UBE3A: variants seen among roughly 807,000 people sequenced by gnomAD.
The protein encoded by UBE3A is ubiquitin-protein ligase E3A.
A neutral mutation model predicts 83.4 loss-of-function variants in UBE3A; 6 were observed. That is an observed-to-expected ratio of 0.07 (90% CI 0.04 to 0.14). The LOEUF is 0.14. UBE3A is among the 10% of genes least tolerant of loss of function. The probability of loss-of-function intolerance (pLI) is 1.00; values close to 1 mark genes in which losing one functional copy is unlikely to be tolerated. For synonymous variants in UBE3A, 337 were observed against 355.4 expected (o/e 0.95, Z 0.58); for missense variants, 456 against 1,036.1 (o/e 0.44, Z 7.69).
chr15:25,339,043 C>G lies in UBE3A; in HGVS notation c.*94G>C. 3 of 1,377,402 alleles carry G rather than the reference C, an allele frequency of 2.2e-6. No homozygotes were observed. The highest frequency in any genetic ancestry group is 2.8e-6 in the Non-Finnish European group (3 of 1,054,386). 85.3% of individuals were successfully genotyped at this position (1,377,402 alleles called of 1,614,324 possible). The stretch of plus-strand genomic sequence containing the variant: ...TTTTTGTACTGGGACACTATCACCA[C>G]CAAAAATTTATCCCTCGTTATATTT... On this transcript the variant is annotated 3_prime_UTR_variant, in exon 13 of 13. Transcript: ENST00000648336.
chr15:25,384,998 AACT>A (rs1388518684), intron 4 of UBE3A, among the ~76,000 whole-genome samples: 2 of 152,218 alleles, frequency 1.3e-5, no homozygotes, highest in Non-Finnish European at 2.9e-5. Context: ...CGAATTATAA[AACT>A]ACTACAAGAA....
chr15:25,374,161 A>C (rs533910169), intron 5 of UBE3A: 1 of 152,396 alleles, frequency 6.6e-6, no homozygotes, highest in African/African-American at 2.4e-5. Flanking sequence ...AGTAACGAAC[A>C]GGGAACAGTA....
Position 25,371,384 on chromosome 15 carries a change from C to T in UBE3A, c.790G>A (p.Val264Met), listed in dbSNP as rs745363984. Residue 264 changes from valine to methionine, a missense_variant, in exon 6 of 13, where the codon GTG becomes ATG. Physicochemically the swap from Val to Met is conservative, Grantham distance 21. Coordinates refer to ENST00000648336, the MANE Select transcript of UBE3A (RefSeq NM_130839.5). The surrounding 1 kb of genome is among the most constrained non-coding windows in gnomAD (Gnocchi z 5.3). The stretch of plus-strand genomic sequence containing the variant: ...TTGTGATACGTCAAGTCACATTCCA[C>T]GTTAGGTGACAAATATACAAGTGCA... ...LNALVYLSPN[V>M]ECDLTYHNVY... 32 of 1,613,832 alleles carry T rather than the reference C, an allele frequency of 2.0e-5. No individual in the cohort carries two copies. The highest frequency in any genetic ancestry group is 1.6e-4 in the Middle Eastern group (1 of 6,082).
chr15:25,395,010 A>ATTCT (rs1467403399), intron 4 of UBE3A, among the ~76,000 whole-genome samples: 1 of 152,222 alleles, frequency 6.6e-6, no homozygotes, highest in Non-Finnish European at 1.5e-5. Flanking sequence ...GAACATGATC[A>ATTCT]TTCTTTGATG....
At chr15:25,366,642 T>C (rs1293031821) in intron 6 of UBE3A, among the ~76,000 whole-genome samples, 2 of 152,192 alleles carry the variant, frequency 1.3e-5, no homozygotes, top group African/African-American at 2.4e-5. Flanking sequence ...TTTCACATCA[T>C]CATCATCCTC....
At chr15:25,426,948 T>G (rs1891492836) in intron 1 of UBE3A, among the ~76,000 whole-genome samples, 1 of 152,010 alleles carries the variant, frequency 6.6e-6, no homozygotes, top group African/African-American at 2.4e-5. Context: ...CCTCCCAAGC[T>G]GGGCTAATTT....
chr15:25,423,046 T>C (rs1456609493), intron 1 of UBE3A, among the ~76,000 whole-genome samples: 2 of 151,948 alleles, frequency 1.3e-5, no homozygotes, highest in African/African-American at 4.8e-5. Flanking sequence ...GTTAGCATGC[T>C]GAAACCCAGA....
chr15:25,412,219 C>T (rs1457462644), intron 1 of UBE3A, among the ~76,000 whole-genome samples: 2 of 152,136 alleles, frequency 1.3e-5, no homozygotes, highest in Non-Finnish European at 1.5e-5. Context: ...AAGCTTAGTG[C>T]CTTCTATTTA....
At chr15:25,340,043 G>T in intron 12 of UBE3A, 42 bp downstream of exon 12, 1 of 1,613,338 alleles carries the variant, frequency 6.2e-7, no homozygotes, top group Non-Finnish European at 8.5e-7. Context: ...AGGAATGCAA[G>T]GTTTTCGGTA....
At chr15:25,386,654 G>A (rs1037842667) in intron 4 of UBE3A, among the ~76,000 whole-genome samples, 1 of 151,804 alleles carries the variant, frequency 6.6e-6, no homozygotes, top group African/African-American at 2.4e-5. Flanking sequence ...GGCATAAAAC[G>A]TTGTAATTAC....
chr15:25,360,234 A>T, intron 7 of UBE3A, 149 bp downstream of exon 7: 1 of 988,630 alleles, frequency 1.0e-6, no homozygotes. Context: ...AAAACCTACA[A>T]ATTCAGTCAT....
chr15:25,439,022 A>C lies in UBE3A; in HGVS notation c.-698T>G, dbSNP rs1251570572. ...CGCGGCCGCGGCGCAAGACGGGAGG[A>C]CTGGCTGGGCGGGCCGAGTATCCCG... On this transcript the variant is annotated 5_prime_UTR_variant, in exon 1 of 13. Transcript: ENST00000648336. 2 of 151,768 alleles carry C rather than the reference A, an allele frequency of 1.3e-5. No homozygotes were observed. Among genetic ancestry groups the C allele is most frequent in the African/African-American group, 4.8e-5 (2 of 41,332 alleles). 9.4% of individuals were successfully genotyped at this position (151,768 alleles called of 1,614,324 possible). A position where few individuals can be genotyped will look rare whatever the true frequency, so the allele number is the denominator to read the frequency against.
In UBE3A at chr15:25,371,962, C is replaced by T. The variant is rs1369944503; in HGVS notation, c.362-150G>A. On this transcript the variant is annotated intron_variant, in intron 5 of 12. Transcript: ENST00000648336. The surrounding 1 kb of genome is among the most constrained non-coding windows in gnomAD (Gnocchi z 5.3). ...TCTTAAAGTATCTAATACTTAGATTCAGCAAACAAAATTTAATGCTTACCT... is the reference window on the plus strand; with the variant it reads ...TCTTAAAGTATCTAATACTTAGATTTAGCAAACAAAATTTAATGCTTACCT... The T allele has an allele frequency of 1.2e-6, 1 of 857,704 alleles. No homozygotes were observed. The highest frequency in any genetic ancestry group is 1.7e-6 in the Non-Finnish European group (1 of 574,660). The allele number at this position is 857,704 out of a possible 1,614,324, so 53.1% of individuals were successfully genotyped here.
chr15:25,372,029 C>G (rs1250453644), intron 5 of UBE3A, among the ~76,000 whole-genome samples: 2 of 151,780 alleles, frequency 1.3e-5, no homozygotes, highest in African/African-American at 4.8e-5. Flanking sequence ...ATGACCTCAC[C>G]CATGCTTTTA....
At chr15:25,367,243 ATATTTGCATATTTGTAAAT>A (rs1187327304) in intron 6 of UBE3A, among the ~76,000 whole-genome samples, 2,330 of 77,480 alleles carry the variant, frequency 0.03, 37 homozygotes, top group Middle Eastern at 0.13. Context: ...AAATATGTAA[ATATTTGCATATTTGTAAAT>A]ATGTAAATAT....
intron 4 of UBE3A, among the ~76,000 whole-genome samples, chr15:25,382,480 C>T (rs1313213651): frequency 6.6e-6 from 1 of 150,774 alleles, no homozygotes; most frequent in East Asian, 1.9e-4. Flanking sequence ...TCATATTTCA[C>T]AGTTAGAAAG....
chr15:25,384,707 G>GT (rs1195266591), intron 4 of UBE3A, among the ~76,000 whole-genome samples: 1 of 151,932 alleles, frequency 6.6e-6, no homozygotes, highest in Non-Finnish European at 1.5e-5. Flanking sequence ...CTGAATAGCC[G>GT]TAACAATCTG....
At position 25,370,944 on chromosome 15, in the gene UBE3A, C is replaced by T. The variant is rs1480295793; in HGVS notation, c.1230G>A (p.Leu410=). The T allele has an allele frequency of 5.0e-6, 8 of 1,614,036 alleles. No homozygotes were observed. In the South Asian group the frequency reaches 5.5e-5, roughly 11 times the overall value. Residue 410 remains leucine (L), a synonymous_variant, in exon 6 of 13, where the codon TTG becomes TTA. Transcript: ENST00000648336. This position sits in a 1 kb window ranked among gnomAD's most constrained non-coding sequence, Gnocchi z 4.2. ...ESSELTLQEL[L]GEERRNKKGP... Reference sequence around the variant, plus strand: ...CTTTCTTGTTTCTTCTTTCTTCTCCCAAAAGTTCCTGAAGTGTCAGCTCGC... The same window carrying T: ...CTTTCTTGTTTCTTCTTTCTTCTCCTAAAAGTTCCTGAAGTGTCAGCTCGC...
At chr15:25,429,512 C>T (rs1443095848) in intron 1 of UBE3A, among the ~76,000 whole-genome samples, 1 of 151,974 alleles carries the variant, frequency 6.6e-6, no homozygotes, top group Non-Finnish European at 1.5e-5. Context: ...ATATAAACCT[C>T]CCTACTTCAC....
Sources: gnomAD v4.1 joint callset for allele counts (sites outside exome capture counted in the v4.1 genomes callset) on GRCh38, gnomAD v4.1.1 for gene constraint, Gnocchi (gnomAD v3.1) non-coding constraint, MANE v1.5 for transcripts, NCBI Gene and HGNC (gene_info 2026-07-23, HGNC 2026-07-21) for gene names.